Variants in BACH2 observed in about 807,000 individuals in gnomAD.
The protein encoded by BACH2 is BACH transcriptional regulator 2.
BACH2 carries 5 observed loss-of-function variants against 61.8 expected under a neutral mutation model. The ratio of observed to expected loss-of-function variants is 0.08; its 90% CI spans 0.04 to 0.17. The LOEUF (loss-of-function observed/expected upper bound fraction) is 0.17. Ranked by LOEUF, BACH2 falls within the 10% of genes least tolerant of loss-of-function variation. BACH2 has a pLI of 1.00. For missense variants in BACH2, 824 were observed against 1,091.1 expected, an observed-to-expected ratio of 0.76 and a Z score of 3.45; for synonymous variants, 446 against 440.1, an observed-to-expected ratio of 1.01 and a Z score of -0.17.
chr6:90,096,249 T>G (rs1782377016), intron 4 of BACH2, among the ~76,000 whole-genome samples: 1 of 152,030 alleles, frequency 6.6e-6, no homozygotes, highest in East Asian at 1.9e-4. Flanking sequence ...AGCCCTTGCC[T>G]GGCCTTGCCA....
chr6:89,945,729 T>C (rs74652062), intron 7 of BACH2, among the ~76,000 whole-genome samples: 21,684 of 152,162 alleles, frequency 0.14, 1,937 homozygotes, highest in Middle Eastern at 0.27. Context: ...ATTTAAAAAA[T>C]AAACCTGTGC....
intron 1 of BACH2, among the ~76,000 whole-genome samples, chr6:90,283,972 A>C (rs1385315252): frequency 6.6e-6 from 1 of 151,970 alleles, no homozygotes; most frequent in African/African-American, 2.4e-5. Context: ...GCACCACTGC[A>C]CTCCAGCTTG....
chr6:90,163,941 T>G (rs1767503319), intron 4 of BACH2, among the ~76,000 whole-genome samples: 1 of 152,098 alleles, frequency 6.6e-6, no homozygotes, highest in Admixed American at 6.6e-5. Flanking sequence ...TTATGTACTG[T>G]GATGCCCACA....
At chr6:90,171,350 T>C (rs956350248) in intron 4 of BACH2, among the ~76,000 whole-genome samples, 3 of 151,276 alleles carry the variant, frequency 2.0e-5, no homozygotes, top group Non-Finnish European at 4.4e-5. Flanking sequence ...GAGGTGGAGG[T>C]TGCAGCGAGC....
intron 1 of BACH2, among the ~76,000 whole-genome samples, chr6:90,275,607 G>C (rs1582557880): frequency 6.6e-6 from 1 of 152,028 alleles, no homozygotes; most frequent in Non-Finnish European, 1.5e-5. Flanking sequence ...CAGGTACTAA[G>C]CCTAGTACCT....
intron 3 of BACH2, among the ~76,000 whole-genome samples, chr6:90,225,265 C>T (rs550336178): frequency 2.8e-4 from 42 of 152,264 alleles, no homozygotes; most frequent in African/African-American, 9.4e-4. Flanking sequence ...CCTGTAGTCC[C>T]AGCTACTCGG....
chr6:90,200,014 T>A (rs1048465014), intron 4 of BACH2, among the ~76,000 whole-genome samples: 2 of 152,136 alleles, frequency 1.3e-5, no homozygotes, highest in Non-Finnish European at 2.9e-5. Context: ...AGAGCTTTTG[T>A]TTATGTGAGT....
At chr6:90,181,798 C>T (rs1020547451) in intron 4 of BACH2, among the ~76,000 whole-genome samples, 2 of 151,980 alleles carry the variant, frequency 1.3e-5, no homozygotes, top group Non-Finnish European at 1.5e-5. Flanking sequence ...GTTGCTCAGG[C>T]TTATTATTAT....
chr6:90,262,102 C>T (rs1771178955), intron 2 of BACH2, among the ~76,000 whole-genome samples: 1 of 152,206 alleles, frequency 6.6e-6, no homozygotes, highest in African/African-American at 2.4e-5. Context: ...GAAGGCCAGC[C>T]TCCTTGGCAT....
chr6:89,989,638 C>T (rs1200130971), intron 6 of BACH2, among the ~76,000 whole-genome samples: 5 of 152,160 alleles, frequency 3.3e-5, no homozygotes, highest in African/African-American at 1.2e-4. Context: ...TCATCACCTC[C>T]ATCAAGAAGC....
rs548324795 is a variant in BACH2, at chr6:89,935,606, T to C, written c.2043+2538A>G. ...TTCGGCACTGAAACACAACGTGTTA[T>C]TTAAGGGGATGCCAAAAAGTGGTTG... On this transcript the variant is annotated intron_variant, in intron 8 of 8. Transcript: ENST00000257749. Among the ~76,000 whole-genome samples, 251 of 152,328 alleles carry C rather than the reference T, an allele frequency of 1.6e-3. 1 individual carries two copies. Among genetic ancestry groups the C allele is most frequent in the Middle Eastern group, 3.4e-3 (1 of 294 alleles).
At position 90,002,225 on chromosome 6, in the gene BACH2, C is replaced by G. The variant is rs367760411; in HGVS notation, c.243+6377G>C. On this transcript the variant is annotated intron_variant, in intron 6 of 8. Coordinates refer to ENST00000257749, the MANE Select transcript of BACH2 (RefSeq NM_021813.4). The stretch of plus-strand genomic sequence containing the variant: ...GCTCCTTCTTGGTCTACCTTGCCGG[C>G]TCCTCTTCATCTCCCTGACCTGTTA... Among the ~76,000 whole-genome samples the G allele has an allele frequency of 5.3e-5, 8 of 152,374 alleles. No homozygotes were observed. In the East Asian group the frequency reaches 7.7e-4, roughly 15 times the overall value.
chr6:89,974,254 T>G (rs1488767920), intron 6 of BACH2, among the ~76,000 whole-genome samples: 1 of 152,220 alleles, frequency 6.6e-6, no homozygotes, highest in Non-Finnish European at 1.5e-5. Flanking sequence ...TTTGGCAAGT[T>G]AATTAACCTC....
intron 6 of BACH2, among the ~76,000 whole-genome samples, chr6:89,954,156 G>A (rs561435514): frequency 2.6e-5 from 4 of 152,208 alleles, no homozygotes; most frequent in East Asian, 1.9e-4. Flanking sequence ...CCCTGCCCTC[G>A]TAATGATCCT....
rs533851349 is a variant in BACH2 at position 90,280,816 on chromosome 6, C to A, written c.-445-8875G>T. ...TCCAGTATCCAGGACTTGAAACCTG[C>A]CTCCAAGGGTAGACATTACAGGGAG... On this transcript the variant is annotated intron_variant, in intron 1 of 8. Coordinates refer to ENST00000257749, the MANE Select transcript of BACH2 (RefSeq NM_021813.4). 1.1e-3 allele frequency among the ~76,000 whole-genome samples: 174 copies of A among 152,286 alleles called. 1 individual carries two copies. Among genetic ancestry groups the A allele is most frequent in the African/African-American group, 3.9e-3 (164 of 41,556 alleles).
chr6:90,101,143 T>A (rs1408660302), intron 4 of BACH2, among the ~76,000 whole-genome samples: 1 of 152,222 alleles, frequency 6.6e-6, no homozygotes, highest in Admixed American at 6.5e-5. Flanking sequence ...TGGATACACA[T>A]CCTTTGTCAG....
chr6:90,019,136 T>C (rs1199171908), intron 5 of BACH2, among the ~76,000 whole-genome samples: 1 of 152,198 alleles, frequency 6.6e-6, no homozygotes, highest in African/African-American at 2.4e-5. Context: ...ATAGCTTGCA[T>C]GTATAAGGAA....
chr6:90,130,510 T>C (rs935845889), intron 4 of BACH2, among the ~76,000 whole-genome samples: 2 of 152,228 alleles, frequency 1.3e-5, no homozygotes, highest in African/African-American at 4.8e-5. Flanking sequence ...CTTTTAGCAT[T>C]CTCATTTACC....
intron 5 of BACH2, among the ~76,000 whole-genome samples, chr6:90,022,913 A>G (rs746077185): frequency 2.0e-5 from 3 of 152,246 alleles, no homozygotes; most frequent in African/African-American, 4.8e-5. Context: ...GAAACTCTGT[A>G]TAAAGAGTGT....
Sources: gnomAD v4.1 joint callset for allele counts (sites outside exome capture counted in the v4.1 genomes callset) on GRCh38, gnomAD v4.1.1 for gene constraint, MANE v1.5 for transcripts, NCBI Gene and HGNC (gene_info 2026-07-23, HGNC 2026-07-21) for gene names.